Variants in WDR27 observed in about 807,000 individuals in gnomAD.
The protein encoded by WDR27 is WD repeat-containing protein 27.
A neutral mutation model predicts 114.4 loss-of-function variants in WDR27; 100 were observed. The observed-to-expected ratio is 0.87, with a 90% CI of 0.74 to 1.03. The LOEUF is 1.03. Among genes scored for constraint, WDR27 ranks in the 50% least tolerant of loss-of-function variants. The pLI, the probability that WDR27 is intolerant of heterozygous loss-of-function variation, is 0.00. For synonymous variants in WDR27, 449 were observed against 423.1 expected (o/e 1.06, Z -0.75); for missense variants, 1,129 against 1,092.9 (o/e 1.03, Z -0.47).
At chr6:169,646,694 G>A (rs1223545179) in intron 16 of WDR27, among the ~76,000 whole-genome samples, 1 of 151,048 alleles carries the variant, frequency 6.6e-6, no homozygotes, top group Non-Finnish European at 1.5e-5. Context: ...ATTGCAGTGA[G>A]CCGAGATTGT....
rs76494650 is a variant in WDR27 at position 169,623,643 on chromosome 6, C to A, written c.2223+9304G>T. Reference sequence around the variant, plus strand: ...GAGAGCCATGGTGGGGGAGCATCAACAACCCACATTTGGGATGAATTATTC... The same window carrying A: ...GAGAGCCATGGTGGGGGAGCATCAAAAACCCACATTTGGGATGAATTATTC... On this transcript the variant is annotated intron_variant, in intron 21 of 25. Transcript: ENST00000448612. 1.3e-3 allele frequency among the ~76,000 whole-genome samples: 199 copies of A among 152,320 alleles called. 4 individuals carry two copies. The East Asian group carries it at 0.031, about 24-fold the overall frequency.
At chr6:169,534,277 A>G (rs1040773789) in intron 25 of WDR27, among the ~76,000 whole-genome samples, 6 of 151,958 alleles carry the variant, frequency 3.9e-5, no homozygotes, top group Non-Finnish European at 7.3e-5. Context: ...ATAGATTGCT[A>G]GATTTTATTT....
chr6:169,676,451 A>G (rs1329337077), intron 2 of WDR27, among the ~76,000 whole-genome samples: 10 of 152,230 alleles, frequency 6.6e-5, no homozygotes, highest in Admixed American at 2.0e-4. Context: ...TTTCTTTACC[A>G]TATCTTGACA....
intron 25 of WDR27, among the ~76,000 whole-genome samples, chr6:169,494,540 T>G (rs907656937): frequency 2.0e-5 from 3 of 152,150 alleles, no homozygotes; most frequent in Non-Finnish European, 4.4e-5. Context: ...AATAGAAATT[T>G]TCCAGCTCCA....
intron 25 of WDR27, among the ~76,000 whole-genome samples, chr6:169,491,204 C>G (rs1789708312): frequency 6.6e-6 from 1 of 151,998 alleles, no homozygotes. Flanking sequence ...AAGGAGCTGA[C>G]CAAAAAGAAA....
At chr6:169,620,151 T>C (rs566124263) in intron 21 of WDR27, among the ~76,000 whole-genome samples, 17 of 152,106 alleles carry the variant, frequency 1.1e-4, no homozygotes, top group African/African-American at 9.7e-5. Flanking sequence ...GGACACACCT[T>C]ACCTGCAGGG....
chr6:169,451,427 C>T, the WDR27 span, among the ~76,000 whole-genome samples: 1 of 152,194 alleles, frequency 6.6e-6, no homozygotes, highest in Admixed American at 6.5e-5. Flanking sequence ...GGCTGTGTCA[C>T]GGCACGTCCT....
intron 21 of WDR27, among the ~76,000 whole-genome samples, chr6:169,631,686 CG>C (rs1405386274): frequency 6.6e-6 from 1 of 152,182 alleles, no homozygotes; most frequent in Non-Finnish European, 1.5e-5. Context: ...CTCTGAATCC[CG>C]GGGTCTCTCA....
rs372645996 is a variant in WDR27, at chr6:169,664,274, T to C, written c.796A>G (p.Ser266Gly). 106 of 1,613,886 alleles carry C rather than the reference T, an allele frequency of 6.6e-5. No homozygotes were observed. In the East Asian group the frequency reaches 7.8e-4, roughly 12 times the overall value. ...CGATAATGGTGTCCATCCATCAAAC[T>C]GAAGATCCAAAGCTACAAAAGCAAA... ...GCADGQLWIF[S>G]LMDGHHYRRV... The change falls in exon 8 of 26, where the codon AGT becomes GGT. Residue 266 changes from serine (S) to glycine (G), a missense_variant. Ser to Gly is a moderately conservative substitution (Grantham distance 56). Transcript: ENST00000448612.
the WDR27 span, among the ~76,000 whole-genome samples, chr6:169,451,697 A>G: frequency 1.3e-3 from 205 of 152,324 alleles, 3 homozygotes; most frequent in East Asian, 0.032. Flanking sequence ...GGTATTGTCA[A>G]TATGTTTAAG....
At chr6:169,697,765 T>C (rs1256327356) in intron 1 of WDR27, among the ~76,000 whole-genome samples, 1 of 152,192 alleles carries the variant, frequency 6.6e-6, no homozygotes, top group African/African-American at 2.4e-5. Context: ...CACATGGCCT[T>C]ACCTATGGCC....
intron 25 of WDR27, among the ~76,000 whole-genome samples, chr6:169,485,854 T>C (rs571966550): frequency 6.6e-6 from 1 of 152,226 alleles, no homozygotes; most frequent in Non-Finnish European, 1.5e-5. Context: ...TCATGTCCTT[T>C]GCAGGGATGC....
chr6:169,691,151 CT>C (rs1468615799), intron 1 of WDR27, among the ~76,000 whole-genome samples: 1 of 152,054 alleles, frequency 6.6e-6, no homozygotes, highest in Non-Finnish European at 1.5e-5. Context: ...GGAGGCAGAG[CT>C]TGCAGTGAGC....
rs144648481 is a variant in WDR27 at position 169,549,316 on chromosome 6, CAAT to C, written c.2645+23100_2645+23102del. 4.3e-3 allele frequency among the ~76,000 whole-genome samples: 661 copies of C among 152,250 alleles called. 3 individuals carry two copies. Among genetic ancestry groups the C allele is most frequent in the African/African-American group, 0.015 (636 of 41,542 alleles). On this transcript the variant is annotated intron_variant, in intron 25 of 25. Transcript: ENST00000448612. ...ATCAGGAAAATGCACATTTAAACAA[CAAT>C]GAGATTATTTGCACACCTATGAGAA...
chr6:169,674,536 A>G (rs1779588188), intron 2 of WDR27, among the ~76,000 whole-genome samples: 1 of 151,654 alleles, frequency 6.6e-6, no homozygotes, highest in Non-Finnish European at 1.5e-5. Context: ...TAAAAATGAA[A>G]GAGAGAAAAA....
chr6:169,450,730 G>C, the WDR27 span, among the ~76,000 whole-genome samples: 1 of 152,096 alleles, frequency 6.6e-6, no homozygotes, highest in African/African-American at 2.4e-5. Context: ...CACAGAGCAG[G>C]CACCCTTTTC....
chr6:169,511,948 A>G (rs998960776), intron 25 of WDR27, among the ~76,000 whole-genome samples: 5 of 152,164 alleles, frequency 3.3e-5, no homozygotes, highest in African/African-American at 9.6e-5. Flanking sequence ...TGGGGAAGCA[A>G]GGGTCTCAGT....
At chr6:169,464,654 A>G (rs1329559850) in intron 25 of WDR27, among the ~76,000 whole-genome samples, 1 of 152,244 alleles carries the variant, frequency 6.6e-6, no homozygotes, top group Non-Finnish European at 1.5e-5. Flanking sequence ...GTGTCTGGTA[A>G]CAGCCTACTC....
chr6:169,547,010 T>C (rs912397485), intron 25 of WDR27, among the ~76,000 whole-genome samples: 1 of 152,092 alleles, frequency 6.6e-6, no homozygotes, highest in Non-Finnish European at 1.5e-5. Flanking sequence ...CAAGTACAGA[T>C]CTTATAATAT....
Sources: gnomAD v4.1 joint callset for allele counts (sites outside exome capture counted in the v4.1 genomes callset) on GRCh38, gnomAD v4.1.1 for gene constraint, MANE v1.5 for transcripts, NCBI Gene and HGNC (gene_info 2026-07-23, HGNC 2026-07-21) for gene names.